Variants in UBR4 observed in about 807,000 individuals in gnomAD.
UBR4 encodes E3 ubiquitin-protein ligase UBR4.
In UBR4, 124 loss-of-function variants were observed where a neutral mutation model predicts 575.6. The ratio of observed to expected loss-of-function variants is 0.22; its 90% CI spans 0.19 to 0.25. UBR4 has a LOEUF of 0.25. Ranked by LOEUF, UBR4 falls within the 10% of genes least tolerant of loss-of-function variation. UBR4 has a pLI of 1.00. For synonymous variants in UBR4, 2,455 were observed against 2,473.7 expected (o/e 0.99, Z 0.22); for missense variants, 4,818 against 6,478.8 (o/e 0.74, Z 8.80).
intron 8 of UBR4, among the ~76,000 whole-genome samples, chr1:19,194,861 C>T (rs1206330584): frequency 6.6e-6 from 1 of 151,906 alleles, no homozygotes; most frequent in Non-Finnish European, 1.5e-5. Context: ...GAAGCAGGCA[C>T]AGTCGACTCC....
At chr1:19,134,371 T>C (rs541792779) in intron 60 of UBR4, among the ~76,000 whole-genome samples, 1 of 152,208 alleles carries the variant, frequency 6.6e-6, no homozygotes, top group African/African-American at 2.4e-5. Context: ...AGGTTGCAGT[T>C]AGCTATGATT....
At chr1:19,204,150 C>T (rs1269411487) in intron 1 of UBR4, among the ~76,000 whole-genome samples, 1 of 152,168 alleles carries the variant, frequency 6.6e-6, no homozygotes, top group Admixed American at 6.5e-5. Context: ...AGGTGCGTGC[C>T]ACCACGCCTG....
At chr1:19,099,532 TGGTACAAGTC>T in intron 90 of UBR4, 55 bp downstream of exon 90, 1 of 1,422,796 alleles carries the variant, frequency 7.0e-7, no homozygotes, top group Non-Finnish European at 9.9e-7. Context: ...TGGCTCCTGC[TGGTACAAGTC>T]TGCATAAGTC....
Position 19,104,000 on chromosome 1 carries a change from G to A in UBR4, c.12901+84C>T, listed in dbSNP as rs2078923431. On this transcript the variant is annotated intron_variant, in intron 87 of 105. Transcript: ENST00000375254. ...TTTGCCACCCCTCCTCTGGATCTGT[G>A]GAACTGGGGGAAATTGGTCGAATGC... is the stretch of plus-strand genomic sequence containing the variant. 6 of 1,507,254 alleles carry A rather than the reference G, an allele frequency of 4.0e-6. No individual in the cohort carries two copies. In the Admixed American group the frequency reaches 5.7e-5, roughly 14 times the overall value. The allele number at this position is 1,507,254 out of a possible 1,614,324, so 93.4% of individuals were successfully genotyped here.
In UBR4 at chr1:19,093,296, G is replaced by A; in HGVS notation, c.14111+17C>T. On this transcript the variant is annotated intron_variant, in intron 96 of 105. Coordinates refer to ENST00000375254, the MANE Select transcript of UBR4 (RefSeq NM_020765.3). This position sits in a 1 kb window ranked among gnomAD's most constrained non-coding sequence, Gnocchi z 4.8. ...AAAGCGAAGGCAAAGCAGCCCCGCT[G>A]CGGGAGGGCTTCATACTTCTTGGCG... is the stretch of plus-strand genomic sequence containing the variant. The A allele has an allele frequency of 6.2e-7, 1 of 1,610,278 alleles. No individual in the cohort carries two copies.
chr1:19,189,140 T>A (rs1328512259), intron 11 of UBR4, among the ~76,000 whole-genome samples: 3 of 151,798 alleles, frequency 2.0e-5, no homozygotes, highest in African/African-American at 7.3e-5. Context: ...TATCATAGCA[T>A]TCTCTCCTCT....
In UBR4 at chr1:19,198,448, A is replaced by G. The variant is rs1054169796; in HGVS notation, c.648+93T>C. ...CCCACAGACATGTATATCATTTTATATCACAAACATAAAATACATCACTTT... is the reference window on the plus strand; with the variant it reads ...CCCACAGACATGTATATCATTTTATGTCACAAACATAAAATACATCACTTT... On this transcript the variant is annotated intron_variant, in intron 5 of 105. Transcript: ENST00000375254. 5 of 1,466,504 alleles carry G rather than the reference A, an allele frequency of 3.4e-6. No individual in the cohort carries two copies. In the African/African-American group the frequency reaches 7.1e-5, roughly 21 times the overall value. The allele number at this position is 1,466,504 out of a possible 1,614,324, so 90.8% of individuals were successfully genotyped here.
chr1:19,187,368 T>A, intron 12 of UBR4, 67 bp from the exon 13 acceptor site: 2 of 1,608,638 alleles, frequency 1.2e-6, no homozygotes, highest in Admixed American at 3.3e-5. Flanking sequence ...CTTGAGTTGA[T>A]GGATCAAGCT....
At chr1:19,190,372 T>C (rs1022977636) in intron 11 of UBR4, among the ~76,000 whole-genome samples, 1 of 149,734 alleles carries the variant, frequency 6.7e-6, no homozygotes, top group African/African-American at 2.5e-5. Context: ...AATATGTCCA[T>C]TTTTATGTTC....
In UBR4 at chr1:19,210,141, C is replaced by T. The variant is rs1346538386; in HGVS notation, c.108G>A (p.Leu36=). The T allele has an allele frequency of 3.2e-6, 5 of 1,581,900 alleles. No homozygotes were observed. Among genetic ancestry groups the T allele is most frequent in the Non-Finnish European group, 4.3e-6 (5 of 1,167,216 alleles). ...TPGWEVAVRP[L]LSASYSAFEM... ...CGAAGGCGGAGTAGGACGCGGACAG[C>T]AGGGGCCGCACAGCCACCTCCCAGC... is the stretch of plus-strand genomic sequence containing the variant. The change falls in exon 1 of 106, where the codon CTG becomes CTA. Residue 36 remains leucine, a synonymous_variant. Coordinates refer to ENST00000375254, the MANE Select transcript of UBR4 (RefSeq NM_020765.3).
In UBR4 at chr1:19,168,014, A is replaced by G. The variant is rs772362395; in HGVS notation, c.3899+13T>C. 10 of 1,604,774 alleles carry G rather than the reference A, an allele frequency of 6.2e-6. No individual in the cohort carries two copies. The South Asian group carries it at 7.8e-5, about 12-fold the overall frequency. Reference sequence around the variant, plus strand: ...AGACATAGAGTCCTTGGGGCTAGGTAGTAGGTACTTACACAATAAGATCTC... The same window carrying G: ...AGACATAGAGTCCTTGGGGCTAGGTGGTAGGTACTTACACAATAAGATCTC... On this transcript the variant is annotated intron_variant, in intron 28 of 105. Coordinates refer to ENST00000375254, the MANE Select transcript of UBR4 (RefSeq NM_020765.3).
rs573069861 is a variant in UBR4, at chr1:19,131,065, T to A, written c.8907-1991A>T. On this transcript the variant is annotated intron_variant, in intron 60 of 105. Coordinates refer to ENST00000375254, the MANE Select transcript of UBR4 (RefSeq NM_020765.3). ...CTGGTACCACTGGCGCATGCCATCATGCCAGGCTAATTTTTTTATTTTTTG... is the reference window on the plus strand; with the variant it reads ...CTGGTACCACTGGCGCATGCCATCAAGCCAGGCTAATTTTTTTATTTTTTG... Among the ~76,000 whole-genome samples the A allele has an allele frequency of 7.2e-5, 11 of 152,028 alleles. No individual in the cohort carries two copies. The South Asian group carries it at 8.3e-4, about 11-fold the overall frequency.
intron 73 of UBR4, 77 bp from the exon 74 acceptor site, chr1:19,115,714 C>A: frequency 6.4e-7 from 1 of 1,558,632 alleles, no homozygotes; most frequent in South Asian, 1.2e-5. Context: ...AAGAGGAAGA[C>A]TGTCCCATGT....
chr1:19,143,228 A>C (rs1303184236), intron 55 of UBR4, among the ~76,000 whole-genome samples: 2 of 107,934 alleles, frequency 1.9e-5, no homozygotes, highest in African/African-American at 6.8e-5. Context: ...GGAAGGAAGG[A>C]AGGAAGGCAG....
At position 19,179,061 on chromosome 1, in the gene UBR4, C is replaced by T; in HGVS notation, c.2344G>A (p.Val782Ile). The T allele has an allele frequency of 6.2e-7, 1 of 1,613,162 alleles. No homozygotes were observed. Among genetic ancestry groups the T allele is most frequent in the Non-Finnish European group, 8.5e-7 (1 of 1,179,736 alleles). Residue 782 changes from valine (V) to isoleucine (I), a missense_variant, in exon 18 of 106, where the codon GTT (valine) becomes ATT (isoleucine). Physicochemically the swap from Val to Ile is conservative, Grantham distance 29. Coordinates refer to ENST00000375254, the MANE Select transcript of UBR4 (RefSeq NM_020765.3). ...GDPDVPECLK[V>I]WDRFLSTMKQ... ...TTACAGACATCTTACCTGTCCCAAA[C>T]TTTAAGGCATTCTGGGACGTCAGGG... is the stretch of plus-strand genomic sequence containing the variant.
chr1:19,180,575 A>G (rs1481924377), intron 17 of UBR4, among the ~76,000 whole-genome samples: 1 of 152,138 alleles, frequency 6.6e-6, no homozygotes, highest in African/African-American at 2.4e-5. Context: ...AGCTACATGA[A>G]AAATACTAAC....
In UBR4 at chr1:19,197,178, T is replaced by C. The variant is rs1350756663; in HGVS notation, c.981A>G (p.Gln327=). The C allele has an allele frequency of 1.2e-6, 2 of 1,614,144 alleles. No homozygotes were observed. The highest frequency in any genetic ancestry group is 1.1e-5 in the South Asian group (1 of 91,084). ...AACTTAGGCTGAGGACTGTCACATC[T>C]TGTAGACGAGAAGGATTGAGAGGTT... The part of the protein sequence containing the change: ...VLEPLNPSRL[Q]DVTVLSLSCL... The change falls in exon 8 of 106, where the codon CAA becomes CAG. Residue 327 remains glutamine (Q), a synonymous_variant. Transcript: ENST00000375254.
intron 1 of UBR4, among the ~76,000 whole-genome samples, chr1:19,206,291 C>A (rs1201610426): frequency 6.6e-6 from 1 of 152,050 alleles, no homozygotes; most frequent in East Asian, 1.9e-4. Context: ...CAGCTATAAT[C>A]GTCCCACTGT....
intron 65 of UBR4, among the ~76,000 whole-genome samples, chr1:19,123,828 G>A (rs2081432570): frequency 6.6e-6 from 1 of 152,172 alleles, no homozygotes; most frequent in Non-Finnish European, 1.5e-5. Flanking sequence ...GTTGCTGTCT[G>A]GTTACTAAGG....
Sources: gnomAD v4.1 joint callset for allele counts (sites outside exome capture counted in the v4.1 genomes callset) on GRCh38, gnomAD v4.1.1 for gene constraint, Gnocchi (gnomAD v3.1) non-coding constraint, MANE v1.5 for transcripts, NCBI Gene and HGNC (gene_info 2026-07-23, HGNC 2026-07-21) for gene names.